ARHGAP24: variants seen among roughly 807,000 people sequenced by gnomAD.
ARHGAP24 encodes Rho GTPase activating protein 24.
ARHGAP24 carries 50 observed loss-of-function variants against 76.4 expected under a neutral mutation model. That is an observed-to-expected ratio of 0.65 (90% CI 0.52 to 0.83). ARHGAP24 has a LOEUF of 0.83. Among genes scored for constraint, ARHGAP24 ranks in the 40% least tolerant of loss-of-function variants. The pLI, the probability that ARHGAP24 is intolerant of heterozygous loss-of-function variation, is 0.00. For missense variants in ARHGAP24, 930 were observed against 914.2 expected (o/e 1.02, Z -0.22); for synonymous variants, 345 against 323.3 (o/e 1.07, Z -0.72).
intron 3 of ARHGAP24, among the ~76,000 whole-genome samples, chr4:85,805,403 G>A (rs1033956297): frequency 1.3e-5 from 2 of 152,076 alleles, no homozygotes; most frequent in African/African-American, 2.4e-5. Context: ...TAAATTTACC[G>A]ACATCTGTTA....
chr4:85,795,368 T>G (rs1363723885), intron 3 of ARHGAP24, among the ~76,000 whole-genome samples: 1 of 152,242 alleles, frequency 6.6e-6, no homozygotes, highest in Non-Finnish European at 1.5e-5. Flanking sequence ...TGGTTGTAGA[T>G]TCCAGCATAA....
chr4:85,737,780 T>C (rs1183435297), intron 3 of ARHGAP24, among the ~76,000 whole-genome samples: 1 of 152,186 alleles, frequency 6.6e-6, no homozygotes, highest in African/African-American at 2.4e-5. Flanking sequence ...ATAAATTGTA[T>C]GGAAAGGGTT....
chr4:85,766,962 A>G (rs1320430813), intron 3 of ARHGAP24, among the ~76,000 whole-genome samples: 1 of 152,150 alleles, frequency 6.6e-6, no homozygotes, highest in Non-Finnish European at 1.5e-5. Context: ...TGTCTTTTCA[A>G]TGTTTAGATA....
At chr4:85,943,706 G>A (rs868766060) in intron 5 of ARHGAP24, among the ~76,000 whole-genome samples, 7 of 152,072 alleles carry the variant, frequency 4.6e-5, no homozygotes, top group South Asian at 2.1e-4. Context: ...GAGAACATGC[G>A]GTGTTTGGTT....
intron 5 of ARHGAP24, among the ~76,000 whole-genome samples, chr4:85,943,991 G>A (rs921300753): frequency 6.6e-6 from 1 of 151,950 alleles, no homozygotes; most frequent in Non-Finnish European, 1.5e-5. Flanking sequence ...GGGATTGCTG[G>A]GTCAAATAGT....
At position 85,667,300 on chromosome 4, in the gene ARHGAP24, G is replaced by T. The variant is rs916401632; in HGVS notation, c.181-54585G>T. On this transcript the variant is annotated intron_variant, in intron 2 of 9. Transcript: ENST00000395184. ...ACTCCATGGGCATAGGACCCTCTGA[G>T]CCAGGTGCTGGATATAATCTCCTGG... Among the ~76,000 whole-genome samples the T allele has an allele frequency of 7.4e-4, 112 of 152,302 alleles. 1 individual carries two copies. Among genetic ancestry groups the T allele is most frequent in the Non-Finnish European group, 1.3e-3 (91 of 68,024 alleles).
chr4:85,673,041 G>A (rs1722862338), intron 2 of ARHGAP24, among the ~76,000 whole-genome samples: 1 of 152,188 alleles, frequency 6.6e-6, no homozygotes, highest in Admixed American at 6.5e-5. Context: ...CGTTTACAAG[G>A]CTAGTCAGTG....
At chr4:85,596,922 CA>C (rs1458641861) in intron 2 of ARHGAP24, among the ~76,000 whole-genome samples, 3 of 151,908 alleles carry the variant, frequency 2.0e-5, no homozygotes, top group African/African-American at 7.2e-5. Context: ...ATTTTAAGTC[CA>C]AATATATTTT....
At chr4:85,526,640 A>G (rs1400573363) in intron 1 of ARHGAP24, among the ~76,000 whole-genome samples, 1 of 152,076 alleles carries the variant, frequency 6.6e-6, no homozygotes, top group Non-Finnish European at 1.5e-5. Flanking sequence ...AGTTGTTACT[A>G]TTTATCAAAC....
chr4:85,550,598 A>T (rs760113208), intron 1 of ARHGAP24, among the ~76,000 whole-genome samples: 89 of 152,092 alleles, frequency 5.9e-4, no homozygotes, highest in Non-Finnish European at 2.9e-4. Flanking sequence ...TGCCATTGGT[A>T]GTTTGATAGG....
intron 3 of ARHGAP24, among the ~76,000 whole-genome samples, chr4:85,880,068 T>C (rs889712497): frequency 6.6e-6 from 1 of 152,180 alleles, no homozygotes; most frequent in Admixed American, 6.5e-5. Context: ...CCTCAATATA[T>C]ATACTGTTTT....
rs150780345 is a variant in ARHGAP24, at chr4:85,669,514, A to G, written c.181-52371A>G. On this transcript the variant is annotated intron_variant, in intron 2 of 9. Transcript: ENST00000395184. ...CTGTTAAAAAGAAGAAATGACCCAT[A>G]AAAAGGTACGTATGTTTGTATGTAG... Among the ~76,000 whole-genome samples the G allele has an allele frequency of 2.9e-3, 433 of 151,904 alleles. 1 individual carries two copies. The highest frequency in any genetic ancestry group is 9.6e-3 in the African/African-American group (397 of 41,412).
chr4:85,476,197 T>C (rs1428930484), intron 1 of ARHGAP24, among the ~76,000 whole-genome samples: 2 of 151,890 alleles, frequency 1.3e-5, no homozygotes, highest in Non-Finnish European at 2.9e-5. Flanking sequence ...CATTTAATGA[T>C]AAACATGTAA....
intron 1 of ARHGAP24, among the ~76,000 whole-genome samples, chr4:85,559,011 C>G (rs200028813): frequency 0.25 from 37,954 of 151,868 alleles, 6,170 homozygotes; most frequent in East Asian, 0.78. Context: ...AAGCTTTCAT[C>G]TTAGCTTAAA....
intron 3 of ARHGAP24, among the ~76,000 whole-genome samples, chr4:85,766,096 A>G (rs1468404542): frequency 6.6e-6 from 1 of 152,158 alleles, no homozygotes; most frequent in Non-Finnish European, 1.5e-5. Flanking sequence ...CAACAAGGTG[A>G]TACAAAATCA....
intron 3 of ARHGAP24, among the ~76,000 whole-genome samples, chr4:85,845,039 T>A (rs936532573): frequency 2.0e-5 from 3 of 152,232 alleles, no homozygotes; most frequent in African/African-American, 4.8e-5. Flanking sequence ...CTGCATTTTT[T>A]AATACTTTGT....
At chr4:85,684,337 T>C (rs544027507) in intron 2 of ARHGAP24, among the ~76,000 whole-genome samples, 79 of 152,222 alleles carry the variant, frequency 5.2e-4, no homozygotes, top group Non-Finnish European at 1.0e-3. Context: ...CATTGTGGTT[T>C]TGATTTCTAT....
chr4:85,723,910 G>T (rs2110045664), intron 3 of ARHGAP24, among the ~76,000 whole-genome samples: 1 of 152,224 alleles, frequency 6.6e-6, no homozygotes, highest in Middle Eastern at 3.4e-3. Flanking sequence ...ATCAATATTT[G>T]CATTATTGGG....
intron 3 of ARHGAP24, among the ~76,000 whole-genome samples, chr4:85,735,305 C>T (rs925525742): frequency 5.9e-5 from 9 of 152,252 alleles, no homozygotes; most frequent in African/African-American, 2.2e-4. Flanking sequence ...TCCCATCATC[C>T]AGCACCTCAC....
Sources: gnomAD v4.1 joint callset for allele counts (sites outside exome capture counted in the v4.1 genomes callset) on GRCh38, gnomAD v4.1.1 for gene constraint, MANE v1.5 for transcripts, NCBI Gene and HGNC (gene_info 2026-07-23, HGNC 2026-07-21) for gene names.